Variants in RAB3B observed in about 807,000 individuals in gnomAD.
RAB3B encodes the protein ras-related protein Rab-3B.
A neutral mutation model predicts 20.5 loss-of-function variants in RAB3B; 11 were observed. The ratio of observed to expected loss-of-function variants is 0.54; its 90% CI spans 0.34 to 0.89. The LOEUF (loss-of-function observed/expected upper bound fraction) is 0.89. RAB3B is among the 40% of genes least tolerant of loss of function. RAB3B has a pLI of 0.02. For missense variants in RAB3B, 225 were observed against 280.9 expected, an observed-to-expected ratio of 0.80 and a Z score of 1.42; for synonymous variants, 99 against 106.3, an observed-to-expected ratio of 0.93 and a Z score of 0.42.
intron 2 of RAB3B, among the ~76,000 whole-genome samples, chr1:51,963,917 T>C (rs1319625386): frequency 1.3e-5 from 2 of 152,230 alleles, no homozygotes; most frequent in East Asian, 3.8e-4. Context: ...CTTTGTATTT[T>C]TGTTTCTTTG....
At chr1:51,974,704 G>C (rs1307705319) in intron 2 of RAB3B, among the ~76,000 whole-genome samples, 1 of 152,190 alleles carries the variant, frequency 6.6e-6, no homozygotes, top group African/African-American at 2.4e-5. Context: ...CTTTATAGCA[G>C]TGTTGTTGAC....
chr1:51,934,792 A>AG (rs1684374954), intron 3 of RAB3B, among the ~76,000 whole-genome samples: 3 of 152,028 alleles, frequency 2.0e-5, no homozygotes, highest in African/African-American at 7.2e-5. Context: ...AAAAAAAAAA[A>AG]AAAAAACCTT....
intron 1 of RAB3B, among the ~76,000 whole-genome samples, chr1:51,979,551 G>A (rs573411556): frequency 1.3e-5 from 2 of 151,740 alleles, no homozygotes; most frequent in African/African-American, 2.4e-5. Flanking sequence ...GATTACAGGC[G>A]TGAGCCACCA....
rs1684353644 is a variant in RAB3B, at chr1:51,933,370, C to T, written c.420G>A (p.Glu140=). The T allele has an allele frequency of 1.2e-6, 2 of 1,613,998 alleles. No homozygotes were observed. Among genetic ancestry groups the T allele is most frequent in the Non-Finnish European group, 8.5e-7 (1 of 1,179,926 alleles). The part of the protein sequence containing the change: ...VILVGNKCDM[E]EERVVPTEKG... ...TCTCAGTGGGAACAACCCTCTCTTC[C>T]TCCATGTCACACTTGTTCCCCACCA... Residue 140 remains glutamate, a synonymous_variant, in exon 4 of 5, where the codon GAG becomes GAA. Coordinates refer to ENST00000371655, the MANE Select transcript of RAB3B (RefSeq NM_002867.4).
At chr1:51,984,130 G>A (rs1450637883) in intron 1 of RAB3B, among the ~76,000 whole-genome samples, 1 of 151,430 alleles carries the variant, frequency 6.6e-6, no homozygotes, top group East Asian at 2.0e-4. Flanking sequence ...TGGGCGTGGT[G>A]GTGGCTGCCT....
At chr1:51,923,454 G>T (rs201474930) in intron 4 of RAB3B, among the ~76,000 whole-genome samples, 1 of 152,144 alleles carries the variant, frequency 6.6e-6, no homozygotes, top group Non-Finnish European at 1.5e-5. Flanking sequence ...AGTGGCTCAC[G>T]CCTGTAATCC....
At chr1:51,933,994 C>A (rs1684362344) in intron 3 of RAB3B, among the ~76,000 whole-genome samples, 1 of 152,208 alleles carries the variant, frequency 6.6e-6, no homozygotes, top group Non-Finnish European at 1.5e-5. Flanking sequence ...CCTCATCCAT[C>A]TTTTTGAAGT....
intron 1 of RAB3B, chr1:51,980,452 T>G: frequency 3.8e-6 from 2 of 528,722 alleles, no homozygotes; most frequent in South Asian, 3.7e-5. Flanking sequence ...AAACCTCCTC[T>G]CTCCAGTCCA....
rs138119025 is a variant in RAB3B, at chr1:51,952,517, A to C, written c.229-15105T>G. The stretch of plus-strand genomic sequence containing the variant: ...TTTTAATGAATAGATCATAGCACCT[A>C]TATCAGGAATTTGCTTCCACTCTCA... On this transcript the variant is annotated intron_variant, in intron 2 of 4. Transcript: ENST00000371655. 3.5e-4 allele frequency among the ~76,000 whole-genome samples: 53 copies of C among 152,290 alleles called. 1 individual carries two copies. In the East Asian group the frequency reaches 8.3e-3, roughly 24 times the overall value.
chr1:51,967,530 T>TTTTTTTTTTTTTTTTTTTTTTTTTTG (rs1338813823), intron 2 of RAB3B, among the ~76,000 whole-genome samples: 1 of 82,878 alleles, frequency 1.2e-5, no homozygotes, highest in Non-Finnish European at 2.7e-5. Context: ...TCTTTTTTTT[T>TTTTTTTTTTTTTTTTTTTTTTTTTTG]TTTTTTTTTG....
intron 2 of RAB3B, among the ~76,000 whole-genome samples, chr1:51,958,333 C>A (rs940833361): frequency 1.3e-5 from 2 of 152,172 alleles, no homozygotes; most frequent in African/African-American, 4.8e-5. Context: ...ATGAGGATGA[C>A]AAGACCTCCT....
At chr1:51,964,769 G>A (rs983418674) in intron 2 of RAB3B, among the ~76,000 whole-genome samples, 5 of 152,112 alleles carry the variant, frequency 3.3e-5, no homozygotes, top group Non-Finnish European at 4.4e-5. Flanking sequence ...TGCAAAATCT[G>A]ACTACTCTCA....
At chr1:51,940,760 G>A (rs6588417) in intron 2 of RAB3B, among the ~76,000 whole-genome samples, 88,968 of 151,860 alleles carry the variant, frequency 0.59, 26,625 homozygotes, top group East Asian at 0.85. Context: ...AATCCCAAAT[G>A]TCAGTAGCTT....
chr1:51,971,189 A>G (rs1168974281), intron 2 of RAB3B, among the ~76,000 whole-genome samples: 1 of 151,978 alleles, frequency 6.6e-6, no homozygotes, highest in Non-Finnish European at 1.5e-5. Context: ...AGTTGAAGAC[A>G]TTAACTAGTC....
intron 2 of RAB3B, among the ~76,000 whole-genome samples, chr1:51,967,227 C>T (rs750605036): frequency 1.2e-4 from 18 of 152,048 alleles, no homozygotes; most frequent in Non-Finnish European, 2.5e-4. Context: ...GCAGGAGAAT[C>T]GCTTGAACCC....
intron 1 of RAB3B, among the ~76,000 whole-genome samples, chr1:51,982,328 G>A (rs749118453): frequency 7.2e-5 from 11 of 152,064 alleles, no homozygotes; most frequent in Admixed American, 5.2e-4. Context: ...TGGGAGGATC[G>A]CTCAAGCCAA....
intron 2 of RAB3B, among the ~76,000 whole-genome samples, chr1:51,950,468 C>T (rs2809943): frequency 0.23 from 35,098 of 152,122 alleles, 4,548 homozygotes; most frequent in Non-Finnish European, 0.28. Context: ...TAAAAGAATG[C>T]TAGCAAAAGA....
chr1:51,952,966 T>C (rs1472750087), intron 2 of RAB3B, among the ~76,000 whole-genome samples: 1 of 152,174 alleles, frequency 6.6e-6, no homozygotes, highest in Non-Finnish European at 1.5e-5. Flanking sequence ...TTTCCAACTG[T>C]CTGCTGGGCA....
At chr1:51,941,995 T>C (rs964379041) in intron 2 of RAB3B, among the ~76,000 whole-genome samples, 4 of 152,216 alleles carry the variant, frequency 2.6e-5, no homozygotes, top group Admixed American at 2.6e-4. Flanking sequence ...GCTCTGTGTG[T>C]TTGTGACTAA....
Sources: allele counts gnomAD v4.1 joint callset (sites outside exome capture counted in the v4.1 genomes callset), GRCh38; gene constraint gnomAD v4.1.1; transcripts MANE v1.5; gene names NCBI Gene and HGNC (gene_info 2026-07-23, HGNC 2026-07-21).